SORCS2: variants seen among roughly 807,000 people sequenced by gnomAD.
The protein encoded by SORCS2 is sortilin related VPS10 domain containing receptor 2.
Under a neutral mutation model 141.6 loss-of-function variants are expected in SORCS2, and 100 were observed. The observed-to-expected ratio is 0.71, with a 90% confidence interval of 0.60 to 0.83. The LOEUF is 0.83. Among genes scored for constraint, SORCS2 ranks in the 40% least tolerant of loss-of-function variants. The pLI, the probability that SORCS2 is intolerant of heterozygous loss-of-function variation, is 0.00. For synonymous variants in SORCS2, 789 were observed against 676.9 expected, an observed-to-expected ratio of 1.17 and a Z score of -2.57; for missense variants, 1,646 against 1,560.2, an observed-to-expected ratio of 1.05 and a Z score of -0.93.
In SORCS2 at chr4:7,497,502, G is replaced by C. The variant is rs530173300; in HGVS notation, c.549-34028G>C. ...CTCCTTGGCAGGAGATGGACCTGTGGAGATTCCTTGCCCCGTGGGGGCCCA... is the reference window on the plus strand; with the variant it reads ...CTCCTTGGCAGGAGATGGACCTGTGCAGATTCCTTGCCCCGTGGGGGCCCA... On this transcript the variant is annotated intron_variant, in intron 2 of 26. Transcript: ENST00000507866. Among the ~76,000 whole-genome samples the C allele has an allele frequency of 9.2e-5, 14 of 152,356 alleles. No individual in the cohort carries two copies. The Middle Eastern group carries it at 0.01, about 111-fold the overall frequency.
At chr4:7,477,650 G>A (rs1164621452) in intron 2 of SORCS2, among the ~76,000 whole-genome samples, 4 of 152,178 alleles carry the variant, frequency 2.6e-5, no homozygotes, top group South Asian at 2.1e-4. Context: ...GTCTATTCCC[G>A]AGGGGGCACA....
intron 1 of SORCS2, among the ~76,000 whole-genome samples, chr4:7,368,312 AG>A (rs1244308097): frequency 6.6e-6 from 1 of 152,218 alleles, no homozygotes; most frequent in Non-Finnish European, 1.5e-5. Flanking sequence ...TGTGGCCAAA[AG>A]CATGTTAACT....
chr4:7,723,551 T>G, intron 18 of SORCS2, 146 bp from the exon 19 acceptor site: 1 of 872,066 alleles, frequency 1.1e-6, no homozygotes, highest in Non-Finnish European at 1.8e-6. Flanking sequence ...AGGCCCGGTC[T>G]CCTGTGGGTC....
At position 7,738,807 on chromosome 4, in the gene SORCS2, C is replaced by A. The variant is rs140113524; in HGVS notation, c.3416-1393C>A. Among the ~76,000 whole-genome samples the A allele has an allele frequency of 2.7e-4, 41 of 152,292 alleles. No individual in the cohort carries two copies. In the East Asian group the frequency reaches 5.6e-3, roughly 21 times the overall value. On this transcript the variant is annotated intron_variant, in intron 26 of 26. Transcript: ENST00000507866. Reference sequence around the variant, plus strand: ...GCCAGACCCCAAAGCCTGTGACCTTCACACTGTCTTGAGAGGGGTCAGGGC... The same window carrying A: ...GCCAGACCCCAAAGCCTGTGACCTTAACACTGTCTTGAGAGGGGTCAGGGC...
intron 1 of SORCS2, among the ~76,000 whole-genome samples, chr4:7,232,392 G>A (rs1405876265): frequency 6.6e-6 from 1 of 152,178 alleles, no homozygotes; most frequent in Non-Finnish European, 1.5e-5. Context: ...AGGACCCAGG[G>A]CCCGGCGCCT....
intron 1 of SORCS2, among the ~76,000 whole-genome samples, chr4:7,351,119 C>G (rs560033041): frequency 6.6e-6 from 1 of 152,222 alleles, no homozygotes; most frequent in African/African-American, 2.4e-5. Flanking sequence ...CACGCCCCCC[C>G]ACTTAGCCCC....
rs73794388 is a variant in SORCS2 at position 7,703,953 on chromosome 4, T to C, written c.1761-224T>C. ...ATTCAGGGGAGGCAAAGTGTCTGTG[T>C]GGTTCCCAGAAAACACCCCCAGGGC... On this transcript the variant is annotated intron_variant, in intron 13 of 26. Coordinates refer to ENST00000507866, the MANE Select transcript of SORCS2 (RefSeq NM_020777.3). Among the ~76,000 whole-genome samples the C allele has an allele frequency of 5.9e-3, 903 of 152,320 alleles. 6 individuals are homozygous for C. Among genetic ancestry groups the C allele is most frequent in the African/African-American group, 0.021 (859 of 41,572 alleles).
chr4:7,710,268 G>A (rs953466671), intron 14 of SORCS2, among the ~76,000 whole-genome samples: 2 of 152,172 alleles, frequency 1.3e-5, no homozygotes, highest in Non-Finnish European at 2.9e-5. Flanking sequence ...GCCCCTCCAG[G>A]AGGTGGCCTG....
intron 3 of SORCS2, among the ~76,000 whole-genome samples, chr4:7,607,926 G>A (rs553131250): frequency 2.0e-4 from 31 of 152,292 alleles, no homozygotes; most frequent in African/African-American, 4.6e-4. Context: ...CCGGCTGGCC[G>A]TGAGTGAGTT....
chr4:7,381,611 C>G (rs1341160836), intron 1 of SORCS2, among the ~76,000 whole-genome samples: 2 of 152,212 alleles, frequency 1.3e-5, no homozygotes, highest in Non-Finnish European at 2.9e-5. Context: ...ACCCCTCAGG[C>G]AGCCAACTCT....
intron 2 of SORCS2, among the ~76,000 whole-genome samples, chr4:7,500,980 G>C (rs4493531): frequency 2.0e-5 from 3 of 152,254 alleles, no homozygotes; most frequent in African/African-American, 4.8e-5. Context: ...TCAAGCCAGC[G>C]TGGATCCAGC....
chr4:7,556,347 G>A (rs1194616282), intron 3 of SORCS2, among the ~76,000 whole-genome samples: 6 of 152,128 alleles, frequency 3.9e-5, no homozygotes, highest in Admixed American at 2.0e-4. Flanking sequence ...GGGAGCTGAC[G>A]TTTGGTATAT....
intron 2 of SORCS2, among the ~76,000 whole-genome samples, chr4:7,474,457 G>C (rs1383011552): frequency 6.6e-6 from 1 of 152,206 alleles, no homozygotes; most frequent in Non-Finnish European, 1.5e-5. Context: ...TCTTTACCAG[G>C]TGAAGACTCT....
At chr4:7,690,120 G>GATTC (rs1322685096) in intron 11 of SORCS2, among the ~76,000 whole-genome samples, 2 of 150,886 alleles carry the variant, frequency 1.3e-5, no homozygotes, top group Non-Finnish European at 3.0e-5. Flanking sequence ...ATGGATGGAT[G>GATTC]ATGGTGGATG....
intron 2 of SORCS2, among the ~76,000 whole-genome samples, chr4:7,525,884 TCCTCAGTCACCTGTCTCCTCCTG>T (rs1733654142): frequency 8.7e-6 from 1 of 114,560 alleles, no homozygotes; most frequent in Admixed American, 8.4e-5. Context: ...ACCTGTCCCC[TCCTCAGTCACCTGTCTCCTCCTG>T]CAGTCACCTG....
intron 1 of SORCS2, among the ~76,000 whole-genome samples, chr4:7,324,346 C>T (rs1048656601): frequency 6.6e-6 from 1 of 152,322 alleles, no homozygotes; most frequent in East Asian, 1.9e-4. Flanking sequence ...GCCAGAGCCT[C>T]TTGGGGTGGA....
chr4:7,602,150 C>T (rs1490356234), intron 3 of SORCS2, among the ~76,000 whole-genome samples: 10 of 152,284 alleles, frequency 6.6e-5, no homozygotes, highest in South Asian at 2.1e-4. Context: ...AAACCGCCAT[C>T]GTCATCATGG....
intron 1 of SORCS2, among the ~76,000 whole-genome samples, chr4:7,313,778 C>T (rs1718358913): frequency 6.6e-6 from 1 of 152,302 alleles, no homozygotes; most frequent in African/African-American, 2.4e-5. Flanking sequence ...ATGTCACCCC[C>T]CTGCTCAGAA....
chr4:7,355,600 G>C (rs1042986912), intron 1 of SORCS2, among the ~76,000 whole-genome samples: 13 of 152,206 alleles, frequency 8.5e-5, no homozygotes, highest in Admixed American at 7.8e-4. Flanking sequence ...GTGGGTCCGA[G>C]GGAGAGAGCA....
Sources: allele counts gnomAD v4.1 joint callset (sites outside exome capture counted in the v4.1 genomes callset), GRCh38; gene constraint gnomAD v4.1.1; transcripts MANE v1.5; gene names NCBI Gene and HGNC (gene_info 2026-07-23, HGNC 2026-07-21).